The following ABCG1 variants were observed in gnomAD, a reference collection of about 807,000 sequenced individuals.
The protein encoded by ABCG1 is ATP-binding cassette sub-family G member 1.
Under a neutral mutation model 69.2 loss-of-function variants are expected in ABCG1, and 29 were observed. The ratio of observed to expected loss-of-function variants is 0.42; its 90% CI spans 0.31 to 0.57. The LOEUF (loss-of-function observed/expected upper bound fraction) is 0.57, where lower values mean the gene tolerates loss of function less well. Ranked by LOEUF, ABCG1 falls within the 20% of genes least tolerant of loss-of-function variation. The pLI is 0.15. For missense variants in ABCG1, 718 were observed against 898.1 expected (o/e 0.80, Z 2.56); for synonymous variants, 370 against 374.8 (o/e 0.99, Z 0.15).
intron 2 of ABCG1, among the ~76,000 whole-genome samples, chr21:42,242,526 C>T (rs1160892516): frequency 3.3e-5 from 5 of 152,134 alleles, no homozygotes; most frequent in Non-Finnish European, 7.4e-5. Flanking sequence ...CACAAAAACT[C>T]AAACTGCACA....
intron 2 of ABCG1, chr21:42,256,225 A>G: frequency 2.1e-6 from 3 of 1,451,624 alleles, no homozygotes; most frequent in South Asian, 2.9e-5. Context: ...TTTCCCATAC[A>G]AGAAAGATGC....
At chr21:42,229,619 C>G (rs1435211918) in intron 2 of ABCG1, among the ~76,000 whole-genome samples, 2 of 152,050 alleles carry the variant, frequency 1.3e-5, no homozygotes, top group Non-Finnish European at 2.9e-5. Context: ...ACTCGGGAGG[C>G]TGAAGCAGGA....
chr21:42,216,065 T>C (rs767342788), upstream of ABCG1: 163 of 426,694 alleles, frequency 3.8e-4, 1 homozygote, highest in Admixed American at 1.4e-3. Flanking sequence ...ATAAGTCTCA[T>C]GAGATCTGAT....
At chr21:42,277,489 A>G (rs1419901366) in intron 5 of ABCG1, among the ~76,000 whole-genome samples, 1 of 152,054 alleles carries the variant, frequency 6.6e-6, no homozygotes, top group African/African-American at 2.4e-5. Context: ...GGCTTCCTAA[A>G]CCCAGGGAGC....
At chr21:42,290,011 T>G (rs1275215417) in intron 10 of ABCG1, 39 bp from the exon 11 acceptor site, 5 of 1,613,990 alleles carry the variant, frequency 3.1e-6, no homozygotes, top group Non-Finnish European at 4.2e-6. Context: ...CGAGGACGGC[T>G]TTGCGAACGC....
At chr21:42,262,836 C>T (rs376445519) in intron 2 of ABCG1, among the ~76,000 whole-genome samples, 13 of 152,338 alleles carry the variant, frequency 8.5e-5, no homozygotes, top group African/African-American at 3.1e-4. Flanking sequence ...ACACAGTAGT[C>T]GCTTGCTGTG....
In ABCG1 at chr21:42,219,991, G is replaced by C. The variant is rs1185449871; in HGVS notation, c.42+687G>C. The stretch of plus-strand genomic sequence containing the variant: ...ACAGGGATGCGCATTTCACTTCCCC[G>C]AGCTCCGGAGAGGGATGGCGGGGTG... On this transcript the variant is annotated intron_variant, in intron 1 of 14. Transcript: ENST00000398449. This position sits in a 1 kb window ranked among gnomAD's most constrained non-coding sequence, Gnocchi z 5.3. The C allele has an allele frequency of 4.5e-6, 7 of 1,553,124 alleles. No homozygotes were observed. The African/African-American group carries it at 6.8e-5, about 15-fold the overall frequency.
Position 42,291,078 on chromosome 21 carries a change from T to G in ABCG1, c.1394-14T>G. On this transcript the variant is annotated splice_polypyrimidine_tract_variant and intron_variant, in intron 11 of 14. Transcript: ENST00000398449. This position sits in a 1 kb window ranked among gnomAD's most constrained non-coding sequence, Gnocchi z 6.4. ...TGGTCACTGACCCTTCTTTTTTGCT[T>G]TTCTATCTCCTAGTTCCCCTGGAGA... 6.2e-7 allele frequency: 1 copy of G among 1,606,856 alleles called. No homozygotes were observed. The highest frequency in any genetic ancestry group is 1.3e-5 in the African/African-American group (1 of 74,888).
At chr21:42,256,458 C>G (rs1388094841) in intron 2 of ABCG1, 1 of 1,549,640 alleles carries the variant, frequency 6.5e-7, no homozygotes, top group Non-Finnish European at 8.7e-7. Context: ...GCAGAGTATC[C>G]ACACCCTGGC....
At position 42,219,332 on chromosome 21, in the gene ABCG1, G is replaced by T; in HGVS notation, c.42+28G>T. On this transcript the variant is annotated intron_variant, in intron 1 of 14. Coordinates refer to ENST00000398449, the MANE Select transcript of ABCG1 (RefSeq NM_016818.3). This position sits in a 1 kb window ranked among gnomAD's most constrained non-coding sequence, Gnocchi z 5.3. ...GAGTGAGCGCATCCTTCGTCCGCCGGGAACGGTTTTATTTTCAAGGAGAGC... is the reference window on the plus strand; with the variant it reads ...GAGTGAGCGCATCCTTCGTCCGCCGTGAACGGTTTTATTTTCAAGGAGAGC... 6.3e-7 allele frequency: 1 copy of T among 1,595,224 alleles called. No homozygotes were observed.
At chr21:42,201,463 C>G (rs1018383641) in intron 1 of ABCG1, 2 of 613,810 alleles carry the variant, frequency 3.3e-6, no homozygotes, top group African/African-American at 3.7e-5. Context: ...CCTAACGGGC[C>G]ACGGACTGGT....
chr21:42,257,741 A>C (rs1002870980), intron 2 of ABCG1, among the ~76,000 whole-genome samples: 1 of 152,226 alleles, frequency 6.6e-6, no homozygotes, highest in Non-Finnish European at 1.5e-5. Context: ...TACACTGGCC[A>C]CTGAACTGCA....
chr21:42,283,486 T>C (rs531095152), intron 6 of ABCG1, among the ~76,000 whole-genome samples: 2 of 152,186 alleles, frequency 1.3e-5, no homozygotes, highest in South Asian at 4.1e-4. Context: ...TGCTGGACAG[T>C]GAAACACCTG....
intron 2 of ABCG1, among the ~76,000 whole-genome samples, chr21:42,269,827 C>T (rs538781819): frequency 5.9e-5 from 9 of 152,146 alleles, no homozygotes; most frequent in South Asian, 4.1e-4. Context: ...AGCTGGGGAC[C>T]GGGAGAAAGT....
intron 2 of ABCG1, among the ~76,000 whole-genome samples, chr21:42,254,229 C>A (rs2068266986): frequency 6.6e-6 from 1 of 152,224 alleles, no homozygotes; most frequent in Non-Finnish European, 1.5e-5. Flanking sequence ...CTTGGAGAAA[C>A]CACATAGATG....
chr21:42,228,916 A>G (rs2067859491), intron 2 of ABCG1, among the ~76,000 whole-genome samples: 1 of 152,238 alleles, frequency 6.6e-6, no homozygotes, highest in African/African-American at 2.4e-5. Context: ...GACAATCAAT[A>G]ACAGTGCGCA....
chr21:42,281,501 C>T (rs1423456192), intron 5 of ABCG1, among the ~76,000 whole-genome samples: 1 of 152,252 alleles, frequency 6.6e-6, no homozygotes, highest in African/African-American at 2.4e-5. Context: ...GCTCCGTGCG[C>T]AGTGCCCTGC....
intron 2 of ABCG1, among the ~76,000 whole-genome samples, chr21:42,202,046 G>A (rs1328769555): frequency 6.7e-6 from 1 of 148,564 alleles, no homozygotes; most frequent in East Asian, 1.9e-4. Flanking sequence ...GTCCTGCTGA[G>A]TGTGCAGGTG....
chr21:42,290,329 T>G (rs2069033400), intron 11 of ABCG1, 111 bp downstream of exon 11: 1 of 1,291,634 alleles, frequency 7.7e-7, no homozygotes, highest in African/African-American at 1.5e-5. Context: ...ACAATGTTTT[T>G]GTTTTTTTAA....
Sources: allele counts gnomAD v4.1 joint callset (sites outside exome capture counted in the v4.1 genomes callset), GRCh38; gene constraint gnomAD v4.1.1; non-coding constraint Gnocchi (gnomAD v3.1); transcripts MANE v1.5; gene names NCBI Gene and HGNC (gene_info 2026-07-23, HGNC 2026-07-21).